The following GLIS1 variants were observed in gnomAD, a reference collection of about 807,000 sequenced individuals.
GLIS1 encodes zinc finger protein GLIS1.
In GLIS1, 24 loss-of-function variants were observed where a neutral mutation model predicts 63.8. The ratio of observed to expected loss-of-function variants is 0.38; its 90% CI spans 0.27 to 0.53. GLIS1 has a LOEUF of 0.53. Among genes scored for constraint, GLIS1 ranks in the 20% least tolerant of loss-of-function variants. The pLI is 0.85. For missense variants in GLIS1, 1,036 were observed against 1,074.1 expected (o/e 0.96, Z 0.50); for synonymous variants, 450 against 482.5 (o/e 0.93, Z 0.88).
chr1:53,565,690 G>T (rs954648714), intron 4 of GLIS1, among the ~76,000 whole-genome samples: 3 of 152,006 alleles, frequency 2.0e-5, no homozygotes, highest in African/African-American at 7.2e-5. Flanking sequence ...ACAGTTCTAT[G>T]CCAATTAAAG....
chr1:53,589,307 T>C (rs1246671921), intron 4 of GLIS1, among the ~76,000 whole-genome samples: 1 of 152,192 alleles, frequency 6.6e-6, no homozygotes, highest in South Asian at 2.1e-4. Context: ...TGGCTTGCAT[T>C]GAGCCAGGAT....
chr1:53,568,849 C>G (rs1400706161), intron 4 of GLIS1, among the ~76,000 whole-genome samples: 1 of 152,206 alleles, frequency 6.6e-6, no homozygotes, highest in Non-Finnish European at 1.5e-5. Context: ...GTCAATTAAA[C>G]CTCTTTTCTT....
intron 5 of GLIS1, among the ~76,000 whole-genome samples, chr1:53,527,038 C>T (rs1050095306): frequency 1.3e-5 from 2 of 152,240 alleles, no homozygotes; most frequent in African/African-American, 2.4e-5. Context: ...GTGCAGGCCC[C>T]GTGCTGAGCA....
intron 2 of GLIS1, among the ~76,000 whole-genome samples, chr1:53,619,592 C>T (rs998523482): frequency 2.0e-5 from 3 of 152,240 alleles, no homozygotes; most frequent in Admixed American, 6.5e-5. Flanking sequence ...TCCGGAATAA[C>T]ACATCTAGAA....
intron 4 of GLIS1, among the ~76,000 whole-genome samples, chr1:53,546,025 G>A (rs1644694784): frequency 6.6e-6 from 1 of 152,226 alleles, no homozygotes; most frequent in Non-Finnish European, 1.5e-5. Context: ...CATGGATGGG[G>A]ACCAACTTGC....
rs978468758 is a variant in GLIS1 at position 53,592,789 on chromosome 1, C to T, written c.1320+1319G>A. ...TCCTCCTGCCTCCCCTTGGCACAGG[C>T]CATTCACTGCTGCTCACTTGTTTAC... On this transcript the variant is annotated intron_variant, in intron 4 of 10. Transcript: ENST00000628545. 6.6e-5 allele frequency among the ~76,000 whole-genome samples: 10 copies of T among 152,268 alleles called. No individual in the cohort carries two copies. In the East Asian group the frequency reaches 1.9e-3, roughly 29 times the overall value.
At chr1:53,720,534 T>G (rs1221371293) in intron 2 of GLIS1, among the ~76,000 whole-genome samples, 1 of 152,092 alleles carries the variant, frequency 6.6e-6, no homozygotes, top group African/African-American at 2.4e-5. Flanking sequence ...AGTTGGTTAA[T>G]GGGTACAAAA....
chr1:53,680,493 C>G (rs1051097212), intron 2 of GLIS1, among the ~76,000 whole-genome samples: 1 of 152,200 alleles, frequency 6.6e-6, no homozygotes, highest in Non-Finnish European at 1.5e-5. Context: ...CCTCTCTGAG[C>G]CTCTTCCTCC....
At chr1:53,628,871 C>T (rs1260017374) in intron 2 of GLIS1, among the ~76,000 whole-genome samples, 2 of 152,160 alleles carry the variant, frequency 1.3e-5, no homozygotes, top group African/African-American at 4.8e-5. Context: ...CTCCTGGGCA[C>T]AGGACAGAAT....
chr1:53,571,575 G>A (rs1406387474), intron 4 of GLIS1, among the ~76,000 whole-genome samples: 1 of 149,768 alleles, frequency 6.7e-6, no homozygotes, highest in Non-Finnish European at 1.5e-5. Context: ...CAATAATATG[G>A]ATAAAAATTT....
At chr1:53,659,590 C>T (rs532139725) in intron 2 of GLIS1, among the ~76,000 whole-genome samples, 1 of 152,274 alleles carries the variant, frequency 6.6e-6, no homozygotes, top group Admixed American at 6.5e-5. Context: ...CCACACAGGC[C>T]CTCCTCAGCA....
chr1:53,558,550 G>A lies in GLIS1; in HGVS notation c.1321-28598C>T, dbSNP rs1475375530. On this transcript the variant is annotated intron_variant, in intron 4 of 10. Coordinates refer to ENST00000628545, the MANE Select transcript of GLIS1 (RefSeq NM_001367484.1). ...CACTCTTCCCATGCCTCCCCCTAAC[G>A]ATCTCACTCTCTCAGGGCCAGCTCA... Among the ~76,000 whole-genome samples the A allele has an allele frequency of 1.4e-4, 21 of 152,044 alleles. 1 individual carries two copies. Among genetic ancestry groups the A allele is most frequent in the Admixed American group, 1.4e-3 (21 of 15,280 alleles).
chr1:53,672,842 G>A (rs925227882), intron 2 of GLIS1, among the ~76,000 whole-genome samples: 5 of 152,178 alleles, frequency 3.3e-5, no homozygotes, highest in African/African-American at 7.2e-5. Context: ...AAAGCGGGCC[G>A]TGATCTCCCA....
intron 4 of GLIS1, among the ~76,000 whole-genome samples, chr1:53,545,830 G>C (rs41488848): frequency 0.048 from 7,371 of 152,306 alleles, 583 homozygotes; most frequent in African/African-American, 0.17. Flanking sequence ...GTGTGCCCTT[G>C]CGTGAGTCGC....
intron 4 of GLIS1, among the ~76,000 whole-genome samples, chr1:53,572,100 C>G (rs938422267): frequency 6.6e-6 from 1 of 152,190 alleles, no homozygotes; most frequent in African/African-American, 2.4e-5. Flanking sequence ...TTATTGCTTA[C>G]ACATATTTGC....
At chr1:53,616,627 C>T (rs1645485227) in intron 2 of GLIS1, among the ~76,000 whole-genome samples, 1 of 152,060 alleles carries the variant, frequency 6.6e-6, no homozygotes, top group African/African-American at 2.4e-5. Flanking sequence ...GATGCCAACA[C>T]CTGACAACCC....
At chr1:53,703,972 C>T (rs867709353) in intron 2 of GLIS1, among the ~76,000 whole-genome samples, 1 of 152,224 alleles carries the variant, frequency 6.6e-6, no homozygotes, top group Non-Finnish European at 1.5e-5. Flanking sequence ...CAACCAAAAC[C>T]GCACACATTT....
intron 4 of GLIS1, among the ~76,000 whole-genome samples, chr1:53,556,630 T>TTGTGTATGCAGGTGTACTGTAGGTATGTG (rs1644834625): frequency 2.6e-5 from 1 of 38,500 alleles, no homozygotes; most frequent in Admixed American, 2.4e-4. Context: ...AGGTATGTGT[T>TTGTGTATGCAGGTGTACTGTAGGTATGTG]TGTGTATGCA....
chr1:53,514,772 G>A lies in GLIS1; in HGVS notation c.1736C>T (p.Pro579Leu), dbSNP rs1382135133. ...TCCGTTATGGGGGGTGATGGAGCCA[G>A]GATACACACCTGCAGGGAATCAAAC... ...LGQELLPGVY[P>L]GSITPHNGLA... The change falls in exon 8 of 11, where the codon CCT (proline) becomes CTT (leucine). Residue 579 changes from proline to leucine, a missense_variant. Pro to Leu is a moderately conservative substitution (Grantham distance 98). Coordinates refer to ENST00000628545, the MANE Select transcript of GLIS1 (RefSeq NM_001367484.1). 4 of 1,594,688 alleles carry A rather than the reference G, an allele frequency of 2.5e-6. No homozygotes were observed. The Admixed American group carries it at 6.8e-5, about 27-fold the overall frequency.
Sources: allele counts gnomAD v4.1 joint callset (sites outside exome capture counted in the v4.1 genomes callset), GRCh38; gene constraint gnomAD v4.1.1; transcripts MANE v1.5; gene names NCBI Gene and HGNC (gene_info 2026-07-23, HGNC 2026-07-21).